The following TSHZ2 variants were observed in gnomAD, a reference collection of about 807,000 sequenced individuals.
TSHZ2 encodes the protein teashirt zinc finger homeobox 2.
Under a neutral mutation model 74.4 loss-of-function variants are expected in TSHZ2, and 21 were observed. The observed-to-expected ratio is 0.28, with a 90% CI of 0.20 to 0.41. The LOEUF (loss-of-function observed/expected upper bound fraction) is 0.41. Among genes scored for constraint, TSHZ2 ranks in the 10% least tolerant of loss-of-function variants. The pLI is 1.00. For missense variants in TSHZ2, 1,244 were observed against 1,293.5 expected (o/e 0.96, Z 0.59); for synonymous variants, 540 against 515.3 (o/e 1.05, Z -0.65).
At chr20:53,144,382 G>T (rs1987486288) in intron 1 of TSHZ2, among the ~76,000 whole-genome samples, 1 of 152,164 alleles carries the variant, frequency 6.6e-6, no homozygotes, top group South Asian at 2.1e-4. Flanking sequence ...TTCAGCCTAT[G>T]CCCAGGAATG....
chr20:53,109,031 T>G (rs542629441), intron 1 of TSHZ2, among the ~76,000 whole-genome samples: 37 of 149,694 alleles, frequency 2.5e-4, no homozygotes, highest in African/African-American at 8.7e-4. Context: ...GTATTCCAAA[T>G]GGACCTCTTG....
intron 1 of TSHZ2, among the ~76,000 whole-genome samples, chr20:53,065,177 A>G (rs1163429191): frequency 2.0e-5 from 3 of 152,238 alleles, no homozygotes; most frequent in African/African-American, 7.2e-5. Flanking sequence ...GTGACACTCT[A>G]AGTATGATAA....
At chr20:53,100,767 C>T (rs1203582970) in intron 1 of TSHZ2, among the ~76,000 whole-genome samples, 1 of 152,188 alleles carries the variant, frequency 6.6e-6, no homozygotes, top group Non-Finnish European at 1.5e-5. Flanking sequence ...TGAACAACCT[C>T]TGGACAAAAT....
chr20:53,433,455 C>T (rs573093984), intron 2 of TSHZ2, among the ~76,000 whole-genome samples: 4 of 151,938 alleles, frequency 2.6e-5, no homozygotes, highest in East Asian at 3.9e-4. Context: ...GGTGGAGGAT[C>T]GCTTGAGCCT....
At chr20:53,050,124 T>TATATGTGTATATATATATACACAC (rs1409158633) in intron 1 of TSHZ2, among the ~76,000 whole-genome samples, 2 of 107,236 alleles carry the variant, frequency 1.9e-5, no homozygotes, top group Admixed American at 8.3e-5. Flanking sequence ...TATATATATA[T>TATATGTGTATATATATATACACAC]ACACATATAT....
At chr20:53,167,131 T>C (rs78055581) in intron 1 of TSHZ2, among the ~76,000 whole-genome samples, 2,115 of 152,286 alleles carry the variant, frequency 0.014, 25 homozygotes, top group Middle Eastern at 0.058. Flanking sequence ...TTGTTCTTTC[T>C]GGAAAAGAAA....
intron 1 of TSHZ2, among the ~76,000 whole-genome samples, chr20:53,169,629 T>C (rs1334288886): frequency 1.3e-5 from 2 of 152,346 alleles, no homozygotes; most frequent in South Asian, 2.1e-4. Flanking sequence ...TAGAATGCAC[T>C]GAACTGTGCA....
chr20:53,269,669 G>T (rs1990792169), intron 2 of TSHZ2, among the ~76,000 whole-genome samples: 1 of 152,138 alleles, frequency 6.6e-6, no homozygotes, highest in Non-Finnish European at 1.5e-5. Context: ...ATAGTGCCTG[G>T]CACAGTATCC....
At chr20:53,121,267 A>T (rs1420812022) in intron 1 of TSHZ2, among the ~76,000 whole-genome samples, 1 of 152,176 alleles carries the variant, frequency 6.6e-6, no homozygotes, top group African/African-American at 2.4e-5. Flanking sequence ...CTTCCTTTAG[A>T]ACTCATACAT....
chr20:53,398,136 A>G (rs996559461), intron 2 of TSHZ2: 2 of 152,208 alleles, frequency 1.3e-5, no homozygotes, highest in African/African-American at 4.8e-5. Flanking sequence ...TAATAAAAAA[A>G]TGAAGAAAAA....
intron 1 of TSHZ2, among the ~76,000 whole-genome samples, chr20:53,146,175 T>G (rs1244070649): frequency 6.6e-6 from 1 of 152,020 alleles, no homozygotes; most frequent in Non-Finnish European, 1.5e-5. Flanking sequence ...TCATATCTAG[T>G]ATATTAAGCA....
At chr20:53,469,062 T>TATATATATATAC (rs1555872258) in intron 2 of TSHZ2, among the ~76,000 whole-genome samples, 8 of 123,554 alleles carry the variant, frequency 6.5e-5, no homozygotes, top group African/African-American at 2.4e-4. Flanking sequence ...TATATATATA[T>TATATATATATAC]ATATATATAT....
At chr20:53,215,109 G>A (rs1487561098) in intron 1 of TSHZ2, among the ~76,000 whole-genome samples, 1 of 152,148 alleles carries the variant, frequency 6.6e-6, no homozygotes, top group African/African-American at 2.4e-5. Flanking sequence ...GAGGTTGTTT[G>A]TTTGAGTTTT....
At chr20:53,350,524 A>G (rs1389480169) in intron 2 of TSHZ2, among the ~76,000 whole-genome samples, 6 of 152,192 alleles carry the variant, frequency 3.9e-5, no homozygotes, top group African/African-American at 7.2e-5. Flanking sequence ...GAGAATACCA[A>G]TTTGGCTGTA....
At chr20:53,335,508 T>A (rs1021393455) in intron 2 of TSHZ2, among the ~76,000 whole-genome samples, 4 of 152,224 alleles carry the variant, frequency 2.6e-5, no homozygotes, top group African/African-American at 7.2e-5. Flanking sequence ...GACTCCTGGA[T>A]GAGAGAGGTA....
Position 52,998,910 on chromosome 20 carries a change from A to C in TSHZ2, c.40+25577A>C, listed in dbSNP as rs115705264. Among the ~76,000 whole-genome samples the C allele has an allele frequency of 6.6e-3, 1,003 of 152,328 alleles. 17 individuals are homozygous for C. The highest frequency in any genetic ancestry group is 0.023 in the African/African-American group (952 of 41,572). ...ACATTTCTAGAACTGTTTTCTGTTTATTCAATTCCAGGTGATGAGAAAATC... is the reference window on the plus strand; with the variant it reads ...ACATTTCTAGAACTGTTTTCTGTTTCTTCAATTCCAGGTGATGAGAAAATC... On this transcript the variant is annotated intron_variant, in intron 1 of 2. Transcript: ENST00000371497.
chr20:53,041,343 T>A (rs902643785), intron 1 of TSHZ2, among the ~76,000 whole-genome samples: 10 of 152,206 alleles, frequency 6.6e-5, no homozygotes, highest in African/African-American at 2.4e-4. Context: ...TCAGATTACA[T>A]CCTAATATCT....
intron 2 of TSHZ2, among the ~76,000 whole-genome samples, chr20:53,332,791 C>T (rs181519958): frequency 6.9e-4 from 105 of 152,252 alleles, no homozygotes; most frequent in African/African-American, 2.4e-3. Context: ...AGACCTGATG[C>T]CTATTTTCAA....
intron 2 of TSHZ2, among the ~76,000 whole-genome samples, chr20:53,417,803 T>C (rs963411374): frequency 7.2e-5 from 11 of 152,196 alleles, no homozygotes; most frequent in African/African-American, 2.7e-4. Context: ...ATGCTTGCCA[T>C]AATAATCCTC....
Sources: allele counts gnomAD v4.1 joint callset (sites outside exome capture counted in the v4.1 genomes callset), GRCh38; gene constraint gnomAD v4.1.1; transcripts MANE v1.5; gene names NCBI Gene and HGNC (gene_info 2026-07-23, HGNC 2026-07-21).